The following LRRC36 variants were observed in gnomAD, a reference collection of about 807,000 sequenced individuals.
LRRC36 encodes leucine-rich repeat-containing protein 36.
LRRC36 carries 62 observed loss-of-function variants against 81.1 expected under a neutral mutation model. That is an observed-to-expected ratio of 0.76 (90% CI 0.62 to 0.94). The LOEUF is 0.94. LRRC36 is among the 40% of genes least tolerant of loss of function. The pLI is 0.00. For synonymous variants in LRRC36, 334 were observed against 348.6 expected, an observed-to-expected ratio of 0.96 and a Z score of 0.47; for missense variants, 761 against 881.7, an observed-to-expected ratio of 0.86 and a Z score of 1.73.
chr16:67,365,130 T>C, intron 6 of LRRC36, 174 bp from the exon 7 acceptor site: 1 of 568,620 alleles, frequency 1.8e-6, no homozygotes, highest in East Asian at 2.9e-5. Flanking sequence ...TCTCCTTGTA[T>C]TGTGACTGTT....
chr16:67,342,183 C>T, intron 2 of LRRC36, 99 bp downstream of exon 2: 1 of 755,502 alleles, frequency 1.3e-6, no homozygotes. Context: ...AATATAAGAC[C>T]TTCCCTTTAA....
At position 67,350,237 on chromosome 16, in the gene LRRC36, G is replaced by T; in HGVS notation, c.524G>T (p.Gly175Val). 6.2e-7 allele frequency: 1 copy of T among 1,613,432 alleles called. No individual in the cohort carries two copies. Among genetic ancestry groups the T allele is most frequent in the Non-Finnish European group, 8.5e-7 (1 of 1,179,862 alleles). Residue 175 changes from glycine (G) to valine (V), a missense_variant, in exon 5 of 14, where the codon GGT becomes GTT. Coordinates refer to ENST00000329956, the MANE Select transcript of LRRC36 (RefSeq NM_018296.6). The part of the protein sequence containing the change: ...REKTMKNCVT[G>V]ESSASKVSAN... ...AAGACAATGAAAAACTGTGTAACAG[G>T]TGAGAGCTCTGCATCAAAAGTCAGT...
chr16:67,336,867 A>G (rs553606676), intron 1 of LRRC36: 2 of 151,912 alleles, frequency 1.3e-5, no homozygotes, highest in Non-Finnish European at 2.9e-5. Context: ...TCTTGGTTTC[A>G]AGTGATCCTC....
chr16:67,348,363 G>A (rs988177184), intron 4 of LRRC36: 5 of 151,790 alleles, frequency 3.3e-5, no homozygotes, highest in African/African-American at 1.2e-4. Flanking sequence ...TTATTGTTGA[G>A]AATTTGGAAA....
rs562083034 is a variant in LRRC36 at position 67,374,458 on chromosome 16, G to A, written c.1495-789G>A. 2.6e-3 allele frequency among the ~76,000 whole-genome samples: 390 copies of A among 152,064 alleles called. 3 individuals carry two copies. The highest frequency in any genetic ancestry group is 8.9e-3 in the African/African-American group (371 of 41,486). ...TGCCCAGGCTTGAGAGCAGTGGCAC[G>A]ATCTCGGCTCACTGCAACCTCTGCC... On this transcript the variant is annotated intron_variant, in intron 9 of 13. Coordinates refer to ENST00000329956, the MANE Select transcript of LRRC36 (RefSeq NM_018296.6).
chr16:67,359,453 T>C (rs2039049270), intron 5 of LRRC36, among the ~76,000 whole-genome samples: 1 of 152,134 alleles, frequency 6.6e-6, no homozygotes, highest in African/African-American at 2.4e-5. Context: ...AGAAAGTATA[T>C]TGTTGGTTGC....
At chr16:67,353,789 A>C (rs759324987) in intron 5 of LRRC36, among the ~76,000 whole-genome samples, 1 of 152,182 alleles carries the variant, frequency 6.6e-6, no homozygotes, top group Non-Finnish European at 1.5e-5. Flanking sequence ...AAAGAGGGGA[A>C]ATAACTTGCC....
Position 67,363,729 on chromosome 16 carries a change from C to G in LRRC36, c.702+15C>G. 2 of 1,612,350 alleles carry G rather than the reference C, an allele frequency of 1.2e-6. No homozygotes were observed. Among genetic ancestry groups the G allele is most frequent in the Non-Finnish European group, 1.7e-6 (2 of 1,178,886 alleles). On this transcript the variant is annotated intron_variant, in intron 6 of 13. Transcript: ENST00000329956. ...TGGGGACACAGGTAATGTATTCACT[C>G]TCCTGCTGATCTGTTGACTAGTCAA...
At chr16:67,327,234 G>A (rs1033734565) in intron 1 of LRRC36, among the ~76,000 whole-genome samples, 13 of 152,058 alleles carry the variant, frequency 8.5e-5, no homozygotes, top group Non-Finnish European at 5.9e-5. Context: ...ACAGAACTGC[G>A]GGGGGCGGTG....
At position 67,336,198 on chromosome 16, in the gene LRRC36, TAC is replaced by T. The variant is rs1261954753; in HGVS notation, c.71-5756_71-5755del. Among the ~76,000 whole-genome samples the T allele has an allele frequency of 5.9e-5, 9 of 152,376 alleles. No individual in the cohort carries two copies. The East Asian group carries it at 1.5e-3, about 26-fold the overall frequency. On this transcript the variant is annotated intron_variant, in intron 1 of 13. Transcript: ENST00000329956. ...ATTTCTTTTTATTGCTGAATAGTAT[TAC>T]ACTCTGTGGATGTACCATTGTTTGC...
At chr16:67,340,824 TATACTCTATAGAATATATACC>T (rs2038002953) in intron 1 of LRRC36, among the ~76,000 whole-genome samples, 1 of 141,938 alleles carries the variant, frequency 7.0e-6, no homozygotes, top group African/African-American at 2.8e-5. Flanking sequence ...ATATACCACA[TATACTCTATAGAATATATACC>T]ACATATACTC....
chr16:67,383,514 G>A (rs1189358303), intron 13 of LRRC36, among the ~76,000 whole-genome samples: 1 of 152,182 alleles, frequency 6.6e-6, no homozygotes, highest in Admixed American at 6.5e-5. Context: ...CTGAACATCT[G>A]CATTTCTAAT....
At chr16:67,350,323 A>G (rs1966913) in intron 5 of LRRC36, 33 bp downstream of exon 5, 19 of 1,521,076 alleles carry the variant, frequency 1.2e-5, no homozygotes, top group Non-Finnish European at 1.7e-5. Context: ...TAAAATGATT[A>G]AAACATCAGT....
At chr16:67,366,671 CTCTGGG>C (rs2039405201) in intron 7 of LRRC36, among the ~76,000 whole-genome samples, 1 of 151,836 alleles carries the variant, frequency 6.6e-6, no homozygotes, top group Admixed American at 6.6e-5. Flanking sequence ...AATCGCTTCC[CTCTGGG>C]AAGCGAAGGT....
chr16:67,344,720 A>G (rs2038261503), intron 2 of LRRC36, among the ~76,000 whole-genome samples: 1 of 152,186 alleles, frequency 6.6e-6, no homozygotes, highest in Non-Finnish European at 1.5e-5. Context: ...ACCCATTAAC[A>G]ATATGGAAGT....
Position 67,339,053 on chromosome 16 carries a change from C to T in LRRC36, c.71-2904C>T, listed in dbSNP as rs1290700284. Among the ~76,000 whole-genome samples the T allele has an allele frequency of 4.0e-5, 6 of 150,464 alleles. 1 individual carries two copies. The East Asian group carries it at 1.2e-3, about 29-fold the overall frequency. On this transcript the variant is annotated intron_variant, in intron 1 of 13. Coordinates refer to ENST00000329956, the MANE Select transcript of LRRC36 (RefSeq NM_018296.6). ...GGGATCACAGGCATGTGCCACCATG[C>T]CTCGCTAATTTTTGTATTTTTGGTA...
chr16:67,376,558 A>G (rs1357521370), intron 10 of LRRC36, among the ~76,000 whole-genome samples, 169 bp from the exon 11 acceptor site: 2 of 152,206 alleles, frequency 1.3e-5, no homozygotes, highest in Non-Finnish European at 2.9e-5. Flanking sequence ...GATGTAGGAT[A>G]TAATTTCTTG....
At chr16:67,330,481 G>A (rs2037429674) in intron 1 of LRRC36, among the ~76,000 whole-genome samples, 1 of 152,184 alleles carries the variant, frequency 6.6e-6, no homozygotes, top group South Asian at 2.1e-4. Context: ...CTTTCAGAAT[G>A]ATGAGTTATT....
intron 1 of LRRC36, among the ~76,000 whole-genome samples, chr16:67,334,606 T>C (rs1170632951): frequency 1.3e-5 from 2 of 152,162 alleles, no homozygotes; most frequent in Non-Finnish European, 2.9e-5. Flanking sequence ...ATTACAGGCA[T>C]GAGCCAGCGT....
Sources: allele counts gnomAD v4.1 joint callset (sites outside exome capture counted in the v4.1 genomes callset), GRCh38; gene constraint gnomAD v4.1.1; transcripts MANE v1.5; gene names NCBI Gene and HGNC (gene_info 2026-07-23, HGNC 2026-07-21).